KCNMB2: variants seen among roughly 807,000 people sequenced by gnomAD.
KCNMB2 encodes calcium-activated potassium channel subunit beta-2.
Under a neutral mutation model 24.5 loss-of-function variants are expected in KCNMB2, and 9 were observed. The ratio of observed to expected loss-of-function variants is 0.37; its 90% confidence interval spans 0.22 to 0.64. KCNMB2 has a LOEUF of 0.64. Among genes scored for constraint, KCNMB2 ranks in the 30% least tolerant of loss-of-function variants. The probability of loss-of-function intolerance (pLI) is 0.63; values close to 1 mark genes in which losing one functional copy is unlikely to be tolerated. For synonymous variants in KCNMB2, 109 were observed against 104.4 expected, an observed-to-expected ratio of 1.04 and a Z score of -0.27; for missense variants, 226 against 284.3, an observed-to-expected ratio of 0.79 and a Z score of 1.47.
intron 2 of KCNMB2, among the ~76,000 whole-genome samples, chr3:178,818,055 C>A (rs1279537541): frequency 1.3e-5 from 2 of 152,180 alleles, no homozygotes; most frequent in South Asian, 2.1e-4. Context: ...ATTTCTAATT[C>A]ATGCTTTCCC....
At chr3:178,645,828 G>A (rs929886792) in intron 1 of KCNMB2, among the ~76,000 whole-genome samples, 6 of 152,098 alleles carry the variant, frequency 3.9e-5, no homozygotes, top group Non-Finnish European at 8.8e-5. Context: ...AAGGGTCTGC[G>A]AAACATATGT....
intron 1 of KCNMB2, among the ~76,000 whole-genome samples, chr3:178,619,310 T>C (rs1251602463): frequency 6.6e-6 from 1 of 152,178 alleles, no homozygotes; most frequent in Non-Finnish European, 1.5e-5. Context: ...CACATGGAAA[T>C]TGAACTTTAG....
At chr3:178,799,450 A>C (rs12493211) in intron 1 of KCNMB2, among the ~76,000 whole-genome samples, 24,803 of 152,128 alleles carry the variant, frequency 0.16, 2,169 homozygotes, top group Middle Eastern at 0.24. Context: ...ATAAAAAAAA[A>C]TCTGGGAATA....
intron 1 of KCNMB2, among the ~76,000 whole-genome samples, chr3:178,684,954 C>G (rs143642407): frequency 6.6e-6 from 1 of 152,280 alleles, no homozygotes; most frequent in Admixed American, 6.5e-5. Context: ...TTTAAAAGCA[C>G]GCATCTGTGA....
chr3:178,636,632 C>T (rs760225072), intron 1 of KCNMB2, among the ~76,000 whole-genome samples: 59 of 152,220 alleles, frequency 3.9e-4, no homozygotes, highest in Admixed American at 2.2e-3. Flanking sequence ...GCACTCTTTT[C>T]ACCTTCATGT....
Position 178,658,899 on chromosome 3 carries a change from G to C in KCNMB2, c.-68+122188G>C, listed in dbSNP as rs375234638. 2.6e-4 allele frequency among the ~76,000 whole-genome samples: 39 copies of C among 152,298 alleles called. 1 individual carries two copies. In the South Asian group the frequency reaches 7.9e-3, roughly 31 times the overall value. The stretch of plus-strand genomic sequence containing the variant: ...TCTCATTAAGTCTGGCATGCACAGT[G>C]CTGAGTGAACATGAATGACATACTT... On this transcript the variant is annotated intron_variant, in intron 1 of 4. Transcript: ENST00000452583.
intron 1 of KCNMB2, among the ~76,000 whole-genome samples, chr3:178,614,297 G>GTATATGTGTATATATATATATA (rs1718620687): frequency 6.8e-4 from 37 of 54,576 alleles, no homozygotes; most frequent in African/African-American, 2.5e-3. Flanking sequence ...ATATATATAT[G>GTATATGTGTATATATATATATA]TATGTATATA....
chr3:178,693,970 C>T (rs61795505), intron 1 of KCNMB2, among the ~76,000 whole-genome samples: 12,380 of 150,956 alleles, frequency 0.082, 540 homozygotes, highest in Middle Eastern at 0.13. Context: ...AGGGATTAAA[C>T]GCATTCCTGT....
chr3:178,822,907 T>C (rs919915642), intron 2 of KCNMB2, among the ~76,000 whole-genome samples: 3 of 152,226 alleles, frequency 2.0e-5, no homozygotes, highest in Non-Finnish European at 4.4e-5. Flanking sequence ...CCTGGAATTG[T>C]GAGATTATGC....
At chr3:178,761,988 T>G (rs1479532693) in intron 1 of KCNMB2, among the ~76,000 whole-genome samples, 4 of 151,862 alleles carry the variant, frequency 2.6e-5, no homozygotes, top group South Asian at 2.1e-4. Flanking sequence ...TGGCTAACAC[T>G]GTGAAACCCC....
chr3:178,763,097 G>A (rs1221286746), intron 1 of KCNMB2, among the ~76,000 whole-genome samples: 1 of 152,142 alleles, frequency 6.6e-6, no homozygotes, highest in Non-Finnish European at 1.5e-5. Flanking sequence ...TAGATTTGTG[G>A]TGGAAAAGGC....
rs575508900 is a variant in KCNMB2, at chr3:178,784,009, T to C, written c.-67-23334T>C. Among the ~76,000 whole-genome samples, 44 of 152,324 alleles carry C rather than the reference T, an allele frequency of 2.9e-4. 1 individual carries two copies. Among genetic ancestry groups the C allele is most frequent in the African/African-American group, 1.1e-3 (44 of 41,578 alleles). On this transcript the variant is annotated intron_variant, in intron 1 of 4. Transcript: ENST00000452583. ...TGAGATTTTTTAGCATGAAGGGTTG[T>C]TGAATTTGAAACCGCTTTTAATGAA...
intron 1 of KCNMB2, among the ~76,000 whole-genome samples, chr3:178,711,047 A>G (rs758827484): frequency 2.6e-5 from 4 of 152,124 alleles, no homozygotes; most frequent in Admixed American, 1.3e-4. Context: ...AACTATACCT[A>G]TCCGTTTATA....
At chr3:178,840,025 C>G (rs1051492519) in intron 4 of KCNMB2, among the ~76,000 whole-genome samples, 1 of 152,138 alleles carries the variant, frequency 6.6e-6, no homozygotes, top group Admixed American at 6.5e-5. Flanking sequence ...GCCTATAAGC[C>G]TGTAAAATCA....
chr3:178,822,687 T>G lies in KCNMB2; in HGVS notation c.57-2901T>G, dbSNP rs111453822. Among the ~76,000 whole-genome samples, 215 of 152,394 alleles carry G rather than the reference T, an allele frequency of 1.4e-3. 1 individual carries two copies. Among genetic ancestry groups the G allele is most frequent in the African/African-American group, 4.6e-3 (192 of 41,598 alleles). On this transcript the variant is annotated intron_variant, in intron 2 of 4. Coordinates refer to ENST00000452583, the MANE Select transcript of KCNMB2 (RefSeq NM_181361.3). ...AGTATCCTGATTTCTCAGATATTTTTGGGCTGTATGAAAATCATTCACTTT... is the reference window on the plus strand; with the variant it reads ...AGTATCCTGATTTCTCAGATATTTTGGGGCTGTATGAAAATCATTCACTTT...
At chr3:178,760,766 T>C (rs913573034) in intron 1 of KCNMB2, among the ~76,000 whole-genome samples, 3 of 151,894 alleles carry the variant, frequency 2.0e-5, no homozygotes, top group Non-Finnish European at 2.9e-5. Flanking sequence ...TAATAACAAA[T>C]ACAGTCTCTA....
At chr3:178,763,886 A>G (rs989222534) in intron 1 of KCNMB2, among the ~76,000 whole-genome samples, 4 of 152,324 alleles carry the variant, frequency 2.6e-5, no homozygotes, top group African/African-American at 9.6e-5. Flanking sequence ...GGTGCTAACA[A>G]TAACTAAGTT....
intron 1 of KCNMB2, among the ~76,000 whole-genome samples, chr3:178,711,062 T>A (rs569447844): frequency 6.6e-6 from 1 of 152,250 alleles, no homozygotes; most frequent in African/African-American, 2.4e-5. Context: ...TTTATATAAA[T>A]AGTTTATTAA....
intron 1 of KCNMB2, among the ~76,000 whole-genome samples, chr3:178,636,324 C>T (rs1032384027): frequency 1.3e-5 from 2 of 151,940 alleles, no homozygotes; most frequent in Non-Finnish European, 2.9e-5. Flanking sequence ...GATGGGTGCA[C>T]CAAAATCTTA....
Sources: allele counts gnomAD v4.1 joint callset (sites outside exome capture counted in the v4.1 genomes callset), GRCh38; gene constraint gnomAD v4.1.1; transcripts MANE v1.5; gene names NCBI Gene and HGNC (gene_info 2026-07-23, HGNC 2026-07-21).